The following DPP4 variants were observed in gnomAD, a reference collection of about 807,000 sequenced individuals.
DPP4 encodes the protein ADCP-2.
A neutral mutation model predicts 122.4 loss-of-function variants in DPP4; 93 were observed. That is an observed-to-expected ratio of 0.76 (90% confidence interval 0.64 to 0.90). The LOEUF (loss-of-function observed/expected upper bound fraction) is 0.90, where lower values mean the gene tolerates loss of function less well. Among genes scored for constraint, DPP4 ranks in the 40% least tolerant of loss-of-function variants. The pLI, the probability that DPP4 is intolerant of heterozygous loss-of-function variation, is 0.00. For synonymous variants in DPP4, 321 were observed against 302.9 expected (o/e 1.06, Z -0.62); for missense variants, 914 against 907.3 (o/e 1.01, Z -0.09).
At chr2:162,020,777 T>G (rs1339951324) in intron 12 of DPP4, 89 bp from the exon 13 acceptor site, 10 of 786,344 alleles carry the variant, frequency 1.3e-5, no homozygotes, top group Non-Finnish European at 1.8e-5. Context: ...GTCCAATACC[T>G]ACGCTCAAAA....
intron 25 of DPP4, 126 bp downstream of exon 25, chr2:161,994,835 T>C (rs946021693): frequency 7.1e-6 from 6 of 839,746 alleles, no homozygotes; most frequent in East Asian, 2.7e-5. Context: ...TGACTTCACG[T>C]TGAAAAAAAA....
chr2:162,023,873 C>T (rs13409045), intron 11 of DPP4, among the ~76,000 whole-genome samples: 76,725 of 152,036 alleles, frequency 0.5, 21,093 homozygotes, highest in East Asian at 0.95. Flanking sequence ...TTATTATTTA[C>T]TTTGATAATA....
chr2:162,037,130 C>T (rs1017534698), intron 8 of DPP4, among the ~76,000 whole-genome samples: 60 of 152,128 alleles, frequency 3.9e-4, no homozygotes, highest in African/African-American at 1.4e-3. Flanking sequence ...TAGAGAGGCC[C>T]AAATTGGAGC....
At position 162,047,501 on chromosome 2, in the gene DPP4, G is replaced by T; in HGVS notation, c.95C>A (p.Thr32Lys). 6.4e-7 allele frequency: 1 copy of T among 1,561,462 alleles called. No individual in the cohort carries two copies. ...TVPVVLLNKG[T>K]DDATADSRKT... is the part of the protein sequence containing the mutation. Reference sequence around the variant, plus strand: ...GCGACTGTCAGCTGTAGCATCATCTGCTGGTTGAAAGAAAGAGCCAAATGT... The same window carrying T: ...GCGACTGTCAGCTGTAGCATCATCTTCTGGTTGAAAGAAAGAGCCAAATGT... Residue 32 changes from threonine to lysine, a missense_variant and splice_region_variant, in exon 3 of 26, where the codon ACA (threonine) becomes AAA (lysine). Transcript: ENST00000360534.
intron 2 of DPP4, among the ~76,000 whole-genome samples, chr2:162,055,495 G>C (rs113082932): frequency 6.6e-6 from 1 of 151,782 alleles, no homozygotes; most frequent in Non-Finnish European, 1.5e-5. Context: ...TCAGGAGTTC[G>C]AGACCAGCCT....
intron 22 of DPP4, among the ~76,000 whole-genome samples, chr2:162,007,591 C>T (rs1335562572): frequency 6.6e-6 from 1 of 152,018 alleles, no homozygotes; most frequent in Non-Finnish European, 1.5e-5. Context: ...AAGTTTTCTT[C>T]TCATTTCATA....
intron 5 of DPP4, 95 bp from the exon 6 acceptor site, chr2:162,039,279 A>G: frequency 9.7e-7 from 1 of 1,025,848 alleles, no homozygotes; most frequent in Non-Finnish European, 1.5e-6. Context: ...GTAATATATG[A>G]TTGTATAATT....
At chr2:162,017,326 T>G (rs1682962273) in intron 16 of DPP4, 171 bp from the exon 17 acceptor site, 1 of 598,446 alleles carries the variant, frequency 1.7e-6, no homozygotes, top group East Asian at 2.9e-5. Flanking sequence ...CCCCCTCTCT[T>G]TAAAATAGTT....
intron 5 of DPP4, among the ~76,000 whole-genome samples, chr2:162,040,702 T>C (rs1683953785): frequency 2.6e-5 from 4 of 151,974 alleles, no homozygotes. Context: ...ATACATGCCA[T>C]ATATTTGCCA....
Position 162,017,106 on chromosome 2 carries a change from A to T in DPP4, c.1468+2T>A. ...AATGAAGAGTAAAATATGAGAAAATACCTTTATCATTCACGCTGCTGTGTA... is the reference window on the plus strand; with the variant it reads ...AATGAAGAGTAAAATATGAGAAAATTCCTTTATCATTCACGCTGCTGTGTA... On this transcript the variant is annotated splice_donor_variant, in intron 17 of 25. Coordinates refer to ENST00000360534, the MANE Select transcript of DPP4 (RefSeq NM_001935.4). LOFTEE classifies it high-confidence loss of function. 6.2e-7 allele frequency: 1 copy of T among 1,611,346 alleles called. No homozygotes were observed. Among genetic ancestry groups the T allele is most frequent in the South Asian group, 1.1e-5 (1 of 90,796 alleles).
At chr2:162,061,004 C>CTCT in intron 2 of DPP4, among the ~76,000 whole-genome samples, 1 of 82,362 alleles carries the variant, frequency 1.2e-5, no homozygotes, top group Non-Finnish European at 2.5e-5. Flanking sequence ...CTCCCTCCCT[C>CTCT]CCTCCTTCCT....
intron 2 of DPP4, among the ~76,000 whole-genome samples, chr2:162,049,039 A>AT (rs1684289403): frequency 6.6e-6 from 1 of 152,128 alleles, no homozygotes; most frequent in Non-Finnish European, 1.5e-5. Flanking sequence ...AGCTTAAAGT[A>AT]TTTTTTCTCA....
chr2:162,059,675 T>C (rs1684694980), intron 2 of DPP4, among the ~76,000 whole-genome samples: 1 of 152,166 alleles, frequency 6.6e-6, no homozygotes, highest in Non-Finnish European at 1.5e-5. Context: ...ATAAGTGTAA[T>C]CAACAAGGCT....
chr2:162,072,559 C>G (rs1054644142), intron 2 of DPP4, among the ~76,000 whole-genome samples: 1 of 152,214 alleles, frequency 6.6e-6, no homozygotes, highest in Non-Finnish European at 1.5e-5. Context: ...TTGACTAAAT[C>G]TTCCAGAGAG....
Position 162,073,589 on chromosome 2 carries a change from A to C in DPP4, c.7-103T>G, listed in dbSNP as rs1031765839. ...AGAGGCAGCAGGATTTGCAGGTGGG[A>C]GTGCGTTAGAAGAGGGAGACCGCGG... is the stretch of plus-strand genomic sequence containing the variant. On this transcript the variant is annotated intron_variant, in intron 1 of 25. Transcript: ENST00000360534. 4 of 1,059,166 alleles carry C rather than the reference A, an allele frequency of 3.8e-6. No individual in the cohort carries two copies. The African/African-American group carries it at 6.3e-5, about 17-fold the overall frequency. 65.6% of individuals were successfully genotyped at this position (1,059,166 alleles called of 1,614,324 possible).
chr2:162,053,915 G>A (rs888457833), intron 2 of DPP4, among the ~76,000 whole-genome samples: 1 of 152,200 alleles, frequency 6.6e-6, no homozygotes, highest in Admixed American at 6.5e-5. Flanking sequence ...GGCTACCCTT[G>A]AGGCCCCACA....
chr2:162,018,101 G>C (rs1304446756), intron 16 of DPP4, among the ~76,000 whole-genome samples: 1 of 152,090 alleles, frequency 6.6e-6, no homozygotes, highest in African/African-American at 2.4e-5. Context: ...AAATATACTA[G>C]TGAGGGAAGA....
At chr2:162,034,545 T>G (rs1448084691) in intron 9 of DPP4, among the ~76,000 whole-genome samples, 1 of 152,210 alleles carries the variant, frequency 6.6e-6, no homozygotes. Context: ...CCATTATTAT[T>G]ACGGTACTAG....
chr2:162,061,065 T>A (rs112160319), intron 2 of DPP4, among the ~76,000 whole-genome samples: 8 of 143,078 alleles, frequency 5.6e-5, no homozygotes, highest in African/African-American at 1.8e-4. Context: ...TGAAACAGGG[T>A]CTCACTCTGT....
Sources: allele counts gnomAD v4.1 joint callset (sites outside exome capture counted in the v4.1 genomes callset), GRCh38; gene constraint gnomAD v4.1.1; transcripts MANE v1.5; gene names NCBI Gene and HGNC (gene_info 2026-07-23, HGNC 2026-07-21).